SPHKAP: variants seen among roughly 807,000 people sequenced by gnomAD.
SPHKAP encodes the protein A-kinase anchor protein SPHKAP.
A neutral mutation model predicts 137.5 loss-of-function variants in SPHKAP; 67 were observed. That is an observed-to-expected ratio of 0.49 (90% CI 0.40 to 0.60). The LOEUF (loss-of-function observed/expected upper bound fraction) is 0.60, where lower values mean the gene tolerates loss of function less well. SPHKAP is among the 20% of genes least tolerant of loss of function. The probability of loss-of-function intolerance (pLI) is 0.00; values close to 1 mark genes in which losing one functional copy is unlikely to be tolerated. For synonymous variants in SPHKAP, 813 were observed against 785.3 expected, an observed-to-expected ratio of 1.04 and a Z score of -0.59; for missense variants, 2,097 against 2,069.3, an observed-to-expected ratio of 1.01 and a Z score of -0.26.
rs565051349 is a variant in SPHKAP, at chr2:228,052,398, T to C, written c.247-24855A>G. On this transcript the variant is annotated intron_variant, in intron 3 of 11. Coordinates refer to ENST00000392056, the MANE Select transcript of SPHKAP (RefSeq NM_001142644.2). ...AATGCTAATTCTTAGCATCATGAAA[T>C]TCTAGAATACCAGGGATAAAGAGAG... Among the ~76,000 whole-genome samples, 5 of 151,668 alleles carry C rather than the reference T, an allele frequency of 3.3e-5. No homozygotes were observed. In the South Asian group the frequency reaches 1.0e-3, roughly 32 times the overall value.
At chr2:228,064,042 G>A (rs1311206491) in intron 3 of SPHKAP, among the ~76,000 whole-genome samples, 1 of 152,174 alleles carries the variant, frequency 6.6e-6, no homozygotes, top group East Asian at 1.9e-4. Context: ...ATATTGCTCA[G>A]TTCAATTTCT....
intron 1 of SPHKAP, among the ~76,000 whole-genome samples, chr2:228,178,096 G>A (rs1037386107): frequency 6.6e-6 from 1 of 152,092 alleles, no homozygotes; most frequent in African/African-American, 2.4e-5. Context: ...CTTGCTTTTA[G>A]GCTGCCCCCA....
intron 3 of SPHKAP, among the ~76,000 whole-genome samples, chr2:228,107,247 C>T (rs1468525307): frequency 1.3e-5 from 2 of 152,126 alleles, no homozygotes; most frequent in Non-Finnish European, 2.9e-5. Context: ...TTCCCTGAAT[C>T]CATTATCTCA....
intron 3 of SPHKAP, among the ~76,000 whole-genome samples, chr2:228,072,071 T>C (rs1559158211): frequency 1.3e-5 from 2 of 152,020 alleles, no homozygotes; most frequent in Non-Finnish European, 2.9e-5. Flanking sequence ...CCTAATAGAA[T>C]AAAAAAGTGG....
intron 3 of SPHKAP, among the ~76,000 whole-genome samples, chr2:228,061,283 A>T (rs1001872295): frequency 2.6e-5 from 4 of 151,808 alleles, no homozygotes; most frequent in African/African-American, 9.7e-5. Flanking sequence ...TTTTTTTGAG[A>T]TGGAGTCTTG....
intron 3 of SPHKAP, among the ~76,000 whole-genome samples, chr2:228,037,464 A>T (rs900908234): frequency 5.9e-5 from 9 of 152,194 alleles, no homozygotes; most frequent in African/African-American, 2.2e-4. Flanking sequence ...TGGCACATTC[A>T]TGTTGCAATG....
At chr2:228,134,341 C>G (rs1699369153) in intron 1 of SPHKAP, among the ~76,000 whole-genome samples, 2 of 152,134 alleles carry the variant, frequency 1.3e-5, no homozygotes. Context: ...CCAATCCTGA[C>G]CTATTCTGCC....
At chr2:228,004,429 A>G (rs1694045770) in intron 7 of SPHKAP, among the ~76,000 whole-genome samples, 1 of 151,788 alleles carries the variant, frequency 6.6e-6, no homozygotes, top group Admixed American at 6.6e-5. Flanking sequence ...ATTTTTTATT[A>G]TGTCTATTCG....
intron 3 of SPHKAP, among the ~76,000 whole-genome samples, chr2:228,035,092 T>A (rs1471208578): frequency 2.0e-5 from 3 of 148,344 alleles, no homozygotes; most frequent in African/African-American, 7.5e-5. Context: ...AGTCAAATTG[T>A]CCCTGTTTGC....
chr2:228,067,397 AG>A (rs1318032007), intron 3 of SPHKAP, among the ~76,000 whole-genome samples: 1 of 152,262 alleles, frequency 6.6e-6, no homozygotes, highest in African/African-American at 2.4e-5. Context: ...AATTCAATAT[AG>A]GCTACCTATA....
chr2:228,013,957 TGA>T, intron 7 of SPHKAP, among the ~76,000 whole-genome samples: 1 of 152,334 alleles, frequency 6.6e-6, no homozygotes, highest in South Asian at 2.1e-4. Context: ...AATCATGATT[TGA>T]GAGGGTGTGT....
chr2:228,075,421 C>CT (rs148477834), intron 3 of SPHKAP, among the ~76,000 whole-genome samples: 22 of 149,378 alleles, frequency 1.5e-4, no homozygotes, highest in East Asian at 3.9e-4. Flanking sequence ...AGGCTTGCTT[C>CT]TTTTTTTTTT....
chr2:228,089,188 C>T (rs1003206023), intron 3 of SPHKAP, among the ~76,000 whole-genome samples: 3 of 152,114 alleles, frequency 2.0e-5, no homozygotes, highest in African/African-American at 7.2e-5. Flanking sequence ...GCCTCAGATG[C>T]AAATAAGAAA....
intron 3 of SPHKAP, among the ~76,000 whole-genome samples, chr2:228,084,941 A>G (rs1697492310): frequency 6.6e-6 from 1 of 152,228 alleles, no homozygotes; most frequent in South Asian, 2.1e-4. Flanking sequence ...TGTTACTGAG[A>G]TAAACCAAAA....
chr2:228,139,681 C>T (rs903586366), intron 1 of SPHKAP, among the ~76,000 whole-genome samples: 1 of 152,062 alleles, frequency 6.6e-6, no homozygotes, highest in Non-Finnish European at 1.5e-5. Flanking sequence ...GATAACTTAG[C>T]CTTTTTCTCT....
chr2:228,006,793 G>A (rs1286892531), intron 7 of SPHKAP, among the ~76,000 whole-genome samples: 1 of 152,170 alleles, frequency 6.6e-6, no homozygotes, highest in Non-Finnish European at 1.5e-5. Context: ...GTTGGAGTTT[G>A]CTGGAGGTCC....
chr2:228,081,190 C>T (rs759459163), intron 3 of SPHKAP, among the ~76,000 whole-genome samples: 3 of 152,150 alleles, frequency 2.0e-5, no homozygotes, highest in South Asian at 2.1e-4. Context: ...ATGTAAAGTG[C>T]TGAGTGCAAG....
At chr2:228,052,761 T>C (rs1696303849) in intron 3 of SPHKAP, among the ~76,000 whole-genome samples, 1 of 152,170 alleles carries the variant, frequency 6.6e-6, no homozygotes, top group Admixed American at 6.6e-5. Context: ...CTTTGGAGTC[T>C]TGATGTTTTG....
chr2:228,165,863 T>C (rs1171705080), intron 1 of SPHKAP, among the ~76,000 whole-genome samples: 2 of 152,236 alleles, frequency 1.3e-5, no homozygotes, highest in Non-Finnish European at 1.5e-5. Flanking sequence ...TGCATCAACA[T>C]ATTTGGTGGT....
Sources: gnomAD v4.1 joint callset for allele counts (sites outside exome capture counted in the v4.1 genomes callset) on GRCh38, gnomAD v4.1.1 for gene constraint, MANE v1.5 for transcripts, NCBI Gene and HGNC (gene_info 2026-07-23, HGNC 2026-07-21) for gene names.